The following ST6GALNAC6 variants were observed in gnomAD, a reference collection of about 807,000 sequenced individuals.
ST6GALNAC6 encodes the protein alpha-N-acetylgalactosaminide alpha-2,6-sialyltransferase 6.
In ST6GALNAC6, 19 loss-of-function variants were observed where a neutral mutation model predicts 34.3. The observed-to-expected ratio is 0.55, with a 90% confidence interval of 0.39 to 0.81. The LOEUF (loss-of-function observed/expected upper bound fraction) is 0.81. Among genes scored for constraint, ST6GALNAC6 ranks in the 40% least tolerant of loss-of-function variants. The probability of loss-of-function intolerance (pLI) is 0.00; values close to 1 mark genes in which losing one functional copy is unlikely to be tolerated. For missense variants in ST6GALNAC6, 377 were observed against 467.7 expected (o/e 0.81, Z 1.79); for synonymous variants, 185 against 182.1 (o/e 1.02, Z -0.13).
At chr9:127,894,044 C>T (rs1264076881) in intron 4 of ST6GALNAC6, among the ~76,000 whole-genome samples, 1 of 152,164 alleles carries the variant, frequency 6.6e-6, no homozygotes, top group African/African-American at 2.4e-5. Context: ...GTGACTTCAC[C>T]TCTCGGAGCC....
rs556764486 is a variant in ST6GALNAC6, at chr9:127,886,723, A to T, written c.878T>A (p.Val293Asp). 5.0e-6 allele frequency: 8 copies of T among 1,613,870 alleles called. No homozygotes were observed. In the East Asian group the frequency reaches 1.3e-4, roughly 27 times the overall value. The stretch of plus-strand genomic sequence containing the variant: ...ACTGTGCTCATTCTGGATGTAGGTG[A>T]CACATTCGTCCGGCCCCTTGGGCTC... ...YYEPKGPDECVTYIQNEHSRK... is the reference protein window; with the variant it reads ...YYEPKGPDECDTYIQNEHSRK... The change falls in exon 7 of 7, where the codon GTC (valine) becomes GAC (aspartate). Residue 293 changes from valine to aspartate, a missense_variant. Val to Asp is a radical substitution (Grantham distance 152). Coordinates refer to ENST00000373146, the MANE Select transcript of ST6GALNAC6 (RefSeq NM_013443.5).
At chr9:127,886,819 C>T (rs774330826) in intron 6 of ST6GALNAC6, 31 bp from the exon 7 acceptor site, 12 of 1,567,378 alleles carry the variant, frequency 7.7e-6, no homozygotes, top group Non-Finnish European at 1.0e-5. Context: ...GTCATCAGGG[C>T]AAGGTGAGCG....
chr9:127,902,754 A>G (rs906535571), upstream of ST6GALNAC6, among the ~76,000 whole-genome samples: 10 of 150,120 alleles, frequency 6.7e-5, no homozygotes, highest in Admixed American at 6.0e-4. Flanking sequence ...ACGCTCGGCT[A>G]ATTTTGTATT....
At chr9:127,892,527 C>T (rs377301459) in intron 4 of ST6GALNAC6, among the ~76,000 whole-genome samples, 12 of 152,216 alleles carry the variant, frequency 7.9e-5, no homozygotes, top group African/African-American at 2.4e-4. Flanking sequence ...ATAGTCAGTT[C>T]GATAGAAGGT....
rs554660997 is a variant in ST6GALNAC6 at position 127,894,971 on chromosome 9, A to G, written c.118-280T>C. ...TAGATCCCAGGGCAGGGCCTGGAAC[A>G]TGGAAGGTTCTCCGGGAGGGTTTGC... On this transcript the variant is annotated intron_variant, in intron 3 of 6. Transcript: ENST00000373146. 3.9e-5 allele frequency among the ~76,000 whole-genome samples: 6 copies of G among 152,276 alleles called. No homozygotes were observed. In the South Asian group the frequency reaches 8.3e-4, roughly 21 times the overall value.
At chr9:127,891,113 C>A in intron 4 of ST6GALNAC6, 70 bp from the exon 5 acceptor site, 2 of 1,534,254 alleles carry the variant, frequency 1.3e-6, no homozygotes, top group South Asian at 1.2e-5. Context: ...ACATCCAGGC[C>A]TCCAGGACCC....
In ST6GALNAC6 at chr9:127,897,938, CCCGGTTTCACCACTTA is replaced by C; in HGVS notation, c.26+2_26+17del. On this transcript the variant is annotated splice_donor_variant and splice_donor_5th_base_variant and intron_variant, in intron 2 of 6. Coordinates refer to ENST00000373146, the MANE Select transcript of ST6GALNAC6 (RefSeq NM_013443.5). LOFTEE classifies it high-confidence loss of function. ...CAGCATGTCAGCTGCCAGTGCGAAT[CCCGGTTTCACCACTTA>C]CTGGCTGGGGGGCCTCGAGCAAGCC... is the stretch of plus-strand genomic sequence containing the variant. 6.2e-7 allele frequency: 1 copy of C among 1,613,272 alleles called. No homozygotes were observed. The highest frequency in any genetic ancestry group is 8.5e-7 in the Non-Finnish European group (1 of 1,179,668).
At chr9:127,899,360 G>A (rs1318916307) in intron 1 of ST6GALNAC6, 143 bp downstream of exon 1, 2 of 388,586 alleles carry the variant, frequency 5.1e-6, no homozygotes, top group East Asian at 1.6e-4. Context: ...CTACCAAGGG[G>A]GAAGGGGTCT....
upstream of ST6GALNAC6, among the ~76,000 whole-genome samples, chr9:127,899,814 C>T (rs1157075497): frequency 6.6e-6 from 1 of 152,216 alleles, no homozygotes; most frequent in Non-Finnish European, 1.5e-5. Context: ...ATACAACAGC[C>T]TTTCGGCTCC....
rs1174273890 is a variant in ST6GALNAC6, at chr9:127,890,308, T to C, written c.704+329A>G. Among the ~76,000 whole-genome samples, 9 of 152,002 alleles carry C rather than the reference T, an allele frequency of 5.9e-5. No homozygotes were observed. The highest frequency in any genetic ancestry group is 1.3e-4 in the Non-Finnish European group (9 of 67,960). On this transcript the variant is annotated intron_variant, in intron 5 of 6. Transcript: ENST00000373146. This position sits in a 1 kb window ranked among gnomAD's most constrained non-coding sequence, Gnocchi z 4.3. ...GGAACAGTCAAGACTTTACATTGGGTACACTATGGGGAGCTTCTCTCAGAA... is the reference window on the plus strand; with the variant it reads ...GGAACAGTCAAGACTTTACATTGGGCACACTATGGGGAGCTTCTCTCAGAA...
chr9:127,894,779 C>G, intron 3 of ST6GALNAC6, 88 bp from the exon 4 acceptor site: 1 of 1,496,040 alleles, frequency 6.7e-7, no homozygotes, highest in South Asian at 1.2e-5. Context: ...CTGGTTAACT[C>G]CTGCTTTTTG....
upstream of ST6GALNAC6, chr9:127,903,441 T>G (rs2131603196): frequency 6.6e-6 from 1 of 152,326 alleles, no homozygotes; most frequent in Middle Eastern, 3.4e-3. Flanking sequence ...CTACCTTCAC[T>G]TTTCCCTTTA....
Position 127,886,339 on chromosome 9 carries a change from C to G in ST6GALNAC6, c.*260G>C, listed in dbSNP as rs911153444. ...GCCTCAGATTGACTCAGAAATACCC[C>G]CTCTACCCTGATTGACTGTGCGCAG... On this transcript the variant is annotated 3_prime_UTR_variant, in exon 7 of 7. Coordinates refer to ENST00000373146, the MANE Select transcript of ST6GALNAC6 (RefSeq NM_013443.5). 2.8e-6 allele frequency: 3 copies of G among 1,055,714 alleles called. No individual in the cohort carries two copies. Among genetic ancestry groups the G allele is most frequent in the South Asian group, 3.6e-5 (2 of 55,500 alleles). The allele number at this position is 1,055,714 out of a possible 1,614,324, so 65.4% of individuals were successfully genotyped here. A position where few individuals can be genotyped will look rare whatever the true frequency, so the allele number is the denominator to read the frequency against.
At position 127,886,797 on chromosome 9, in the gene ST6GALNAC6, G is replaced by A. The variant is rs749959658; in HGVS notation, c.813-9C>T. 2.5e-6 allele frequency: 4 copies of A among 1,590,894 alleles called. No individual in the cohort carries two copies. Among genetic ancestry groups the A allele is most frequent in the Admixed American group, 1.8e-5 (1 of 56,982 alleles). On this transcript the variant is annotated splice_polypyrimidine_tract_variant and intron_variant, in intron 6 of 6. Coordinates refer to ENST00000373146, the MANE Select transcript of ST6GALNAC6 (RefSeq NM_013443.5). ...GGAGGCGGGGCCGCTGGCTGGGACA[G>A]AGCAGACGGGCGTCATCAGGGCAAG...
At chr9:127,897,894 G>C (rs1347772620) in intron 2 of ST6GALNAC6, 62 bp downstream of exon 2, 1 of 1,612,846 alleles carries the variant, frequency 6.2e-7, no homozygotes, top group Non-Finnish European at 8.5e-7. Context: ...ATCCTGCTCT[G>C]AGAAGGCCAT....
In ST6GALNAC6 at chr9:127,886,085, C is replaced by T; in HGVS notation, c.*514G>A. Reference sequence around the variant, plus strand: ...GATGCCGGCCTCCCACCTCTGGGACCTCCCCACCGCCCCCACAACCTCCAC... The same window carrying T: ...GATGCCGGCCTCCCACCTCTGGGACTTCCCCACCGCCCCCACAACCTCCAC... On this transcript the variant is annotated 3_prime_UTR_variant, in exon 7 of 7. Transcript: ENST00000373146. 1 of 164,370 alleles carries T rather than the reference C, an allele frequency of 6.1e-6. No homozygotes were observed. The highest frequency in any genetic ancestry group is 1.3e-5 in the Non-Finnish European group (1 of 76,332). 10.2% of individuals were successfully genotyped at this position (164,370 alleles called of 1,614,324 possible). A position where few individuals can be genotyped will look rare whatever the true frequency, so the allele number is the denominator to read the frequency against.
chr9:127,895,807 T>A (rs77397350), intron 3 of ST6GALNAC6, among the ~76,000 whole-genome samples: 2,514 of 152,236 alleles, frequency 0.017, 66 homozygotes, highest in African/African-American at 0.057. Flanking sequence ...ATGTAGTAAG[T>A]GCTTAGGAAA....
chr9:127,901,039 T>C (rs1249455050), upstream of ST6GALNAC6, among the ~76,000 whole-genome samples: 1 of 141,832 alleles, frequency 7.1e-6, no homozygotes, highest in African/African-American at 2.6e-5. Flanking sequence ...GAAACAAAGT[T>C]GTAAACATTT....
At chr9:127,897,176 A>C (rs1332049492) in intron 2 of ST6GALNAC6, 1 of 985,172 alleles carries the variant, frequency 1.0e-6, no homozygotes, top group African/African-American at 1.8e-5. Flanking sequence ...CCACAACCAA[A>C]ACCCAGCTCC....
Sources: gnomAD v4.1 joint callset for allele counts (sites outside exome capture counted in the v4.1 genomes callset) on GRCh38, gnomAD v4.1.1 for gene constraint, Gnocchi (gnomAD v3.1) non-coding constraint, MANE v1.5 for transcripts, NCBI Gene and HGNC (gene_info 2026-07-23, HGNC 2026-07-21) for gene names.